The following GPD1L variants were observed in gnomAD, a reference collection of about 807,000 sequenced individuals.
GPD1L encodes glycerol-3-phosphate dehydrogenase 1-like protein.
GPD1L carries 17 observed loss-of-function variants against 32.9 expected under a neutral mutation model. That is an observed-to-expected ratio of 0.52 (90% CI 0.35 to 0.78). The LOEUF is 0.78. Ranked by LOEUF, GPD1L falls within the 30% of genes least tolerant of loss-of-function variation. The pLI, the probability that GPD1L is intolerant of heterozygous loss-of-function variation, is 0.01. For synonymous variants in GPD1L, 187 were observed against 165.9 expected, an observed-to-expected ratio of 1.13 and a Z score of -0.98; for missense variants, 361 against 447.8, an observed-to-expected ratio of 0.81 and a Z score of 1.75.
In GPD1L at chr3:32,128,248, A is replaced by G; in HGVS notation, c.220A>G (p.Asn74Asp). ...TCTTCCTGGACACAAGCTGCCAGAA[A>G]ATGTGGTAAGACTTTGGGGTGAAAT... ...KYLPGHKLPE[N>D]VVAMSNLSEA... The change falls in exon 2 of 8, where the codon AAT becomes GAT. Residue 74 changes from asparagine (N) to aspartate (D), a missense_variant. Coordinates refer to ENST00000282541, the MANE Select transcript of GPD1L (RefSeq NM_015141.4). 1 of 1,613,046 alleles carries G rather than the reference A, an allele frequency of 6.2e-7. No individual in the cohort carries two copies.
At chr3:32,139,666 T>C (rs1330305670) in intron 3 of GPD1L, among the ~76,000 whole-genome samples, 5 of 152,212 alleles carry the variant, frequency 3.3e-5, no homozygotes, top group Admixed American at 3.3e-4. Context: ...GCAACCCAAA[T>C]GTCATCAGCA....
chr3:32,115,636 A>G (rs995855565), intron 1 of GPD1L, among the ~76,000 whole-genome samples: 2 of 152,146 alleles, frequency 1.3e-5, no homozygotes, highest in Non-Finnish European at 2.9e-5. Flanking sequence ...ACTCTAACCT[A>G]ATAGCCCTAA....
intron 7 of GPD1L, among the ~76,000 whole-genome samples, chr3:32,162,685 C>G (rs1293371058): frequency 6.6e-6 from 1 of 152,150 alleles, no homozygotes; most frequent in African/African-American, 2.4e-5. Context: ...GTGTCACATT[C>G]TGAGATACTA....
chr3:32,128,017 G>C, intron 1 of GPD1L, 59 bp from the exon 2 acceptor site: 1 of 1,192,078 alleles, frequency 8.4e-7, no homozygotes. Flanking sequence ...TTAATCAAAC[G>C]CTTTTTCTCT....
intron 1 of GPD1L, among the ~76,000 whole-genome samples, chr3:32,118,919 G>A (rs192265005): frequency 2.0e-5 from 3 of 152,110 alleles, no homozygotes; most frequent in Non-Finnish European, 4.4e-5. Context: ...TGTCTTCAAG[G>A]TTCATCCATG....
chr3:32,155,573 G>A (rs774735971), intron 5 of GPD1L, among the ~76,000 whole-genome samples: 1 of 152,142 alleles, frequency 6.6e-6, no homozygotes, highest in Non-Finnish European at 1.5e-5. Context: ...TCAGGAATCT[G>A]ACCAGTTGGC....
At position 32,138,535 on chromosome 3, in the gene GPD1L, G is replaced by A. The variant is rs915985296; in HGVS notation, c.226-52G>A. 20 of 1,574,810 alleles carry A rather than the reference G, an allele frequency of 1.3e-5. No individual in the cohort carries two copies. In the African/African-American group the frequency reaches 2.6e-4, roughly 20 times the overall value. On this transcript the variant is annotated intron_variant, in intron 2 of 7. Coordinates refer to ENST00000282541, the MANE Select transcript of GPD1L (RefSeq NM_015141.4). ...GTCAGTGAGTGAAACCTTGTGGACAGGCAAGGTTTGATATAAGAGGAGAAA... is the reference window on the plus strand; with the variant it reads ...GTCAGTGAGTGAAACCTTGTGGACAAGCAAGGTTTGATATAAGAGGAGAAA...
chr3:32,142,874 T>G (rs1348111171), intron 4 of GPD1L, among the ~76,000 whole-genome samples: 1 of 152,078 alleles, frequency 6.6e-6, no homozygotes, highest in Non-Finnish European at 1.5e-5. Context: ...TGGGGTGGAG[T>G]GTGATAAGCA....
At chr3:32,129,255 A>G (rs1700554830) in intron 2 of GPD1L, among the ~76,000 whole-genome samples, 1 of 152,128 alleles carries the variant, frequency 6.6e-6, no homozygotes, top group African/African-American at 2.4e-5. Flanking sequence ...TCACTCACCA[A>G]ACCTTATGAG....
intron 1 of GPD1L, among the ~76,000 whole-genome samples, chr3:32,110,613 A>G (rs1325257663): frequency 2.0e-5 from 3 of 152,224 alleles, no homozygotes; most frequent in East Asian, 1.9e-4. Context: ...TGGGCAGGAA[A>G]GTAGACGTGT....
At position 32,121,473 on chromosome 3, in the gene GPD1L, C is replaced by A. The variant is rs148644007; in HGVS notation, c.48-6603C>A. On this transcript the variant is annotated intron_variant, in intron 1 of 7. Coordinates refer to ENST00000282541, the MANE Select transcript of GPD1L (RefSeq NM_015141.4). ...TATTTCTCTCTATATATATTTCTCT[C>A]TATATATATTTCTCTCTATATATAT... Among the ~76,000 whole-genome samples the A allele has an allele frequency of 5.1e-3, 434 of 84,754 alleles. 99 individuals carry two copies. Among genetic ancestry groups the A allele is most frequent in the African/African-American group, 0.033 (394 of 12,022 alleles). The allele number at this position is 84,754 out of a possible 152,430, so 55.6% of individuals were successfully genotyped here.
intron 2 of GPD1L, among the ~76,000 whole-genome samples, chr3:32,135,680 T>A (rs1700651795): frequency 6.6e-6 from 1 of 152,154 alleles, no homozygotes; most frequent in African/African-American, 2.4e-5. Context: ...TTCAAACTCT[T>A]GGCCTCAAGC....
Position 32,166,881 on chromosome 3 carries a change from C to T in GPD1L, c.*971C>T, listed in dbSNP as rs990142115. The T allele has an allele frequency of 2.0e-5, 3 of 152,250 alleles. No individual in the cohort carries two copies. Among genetic ancestry groups the T allele is most frequent in the Non-Finnish European group, 4.4e-5 (3 of 68,158 alleles). The allele number at this position is 152,250 out of a possible 1,614,324, so 9.4% of individuals were successfully genotyped here. ...TGTGCAAATGCCATGTGCAGCCTTT[C>T]CTGAGGCCATAGGAGGGCTTCCTGC... is the stretch of plus-strand genomic sequence containing the variant. On this transcript the variant is annotated 3_prime_UTR_variant, in exon 8 of 8. Coordinates refer to ENST00000282541, the MANE Select transcript of GPD1L (RefSeq NM_015141.4).
chr3:32,106,711 C>T lies in GPD1L; in HGVS notation c.-1C>T. On this transcript the variant is annotated 5_prime_UTR_variant, in exon 1 of 8. Coordinates refer to ENST00000282541, the MANE Select transcript of GPD1L (RefSeq NM_015141.4). The surrounding 1 kb of genome is among the most constrained non-coding windows in gnomAD (Gnocchi z 4.0). ...TCCAGGCGGCTACATTCGGCCCGGC[C>T]ATGGCAGCGGCGCCCCTGAAAGTGT... 1 of 1,562,732 alleles carries T rather than the reference C, an allele frequency of 6.4e-7. No homozygotes were observed. The highest frequency in any genetic ancestry group is 8.7e-7 in the Non-Finnish European group (1 of 1,155,724).
chr3:32,134,650 T>C (rs1049874573), intron 2 of GPD1L, among the ~76,000 whole-genome samples: 9 of 151,704 alleles, frequency 5.9e-5, no homozygotes, highest in Admixed American at 2.0e-4. Context: ...CCACACCTGG[T>C]TAATTTTTTT....
chr3:32,106,628 C>T lies in GPD1L; in HGVS notation c.-84C>T. On this transcript the variant is annotated 5_prime_UTR_variant, in exon 1 of 8. Transcript: ENST00000282541. The surrounding 1 kb of genome is among the most constrained non-coding windows in gnomAD (Gnocchi z 4.0). ...GAGGCGAAAGGGGCGGGGCCGCCGC[C>T]AGCCGCTGCGGGCAAGGCTGAACAG... The T allele has an allele frequency of 1.5e-6, 2 of 1,328,748 alleles. No homozygotes were observed. The highest frequency in any genetic ancestry group is 3.3e-5 in the Admixed American group (1 of 30,154). 82.3% of individuals were successfully genotyped at this position (1,328,748 alleles called of 1,614,324 possible). A position where few individuals can be genotyped will look rare whatever the true frequency, so the allele number is the denominator to read the frequency against.
chr3:32,121,782 T>TATATATATTTCTATATATATATATATA (rs199832480), intron 1 of GPD1L, among the ~76,000 whole-genome samples: 5 of 120,286 alleles, frequency 4.2e-5, no homozygotes, highest in African/African-American at 1.5e-4. Context: ...TATATATATA[T>TATATATATTTCTATATATATATATATA]TTTTTTTAGG....
At chr3:32,121,689 A>G (rs28674787) in intron 1 of GPD1L, among the ~76,000 whole-genome samples, 1 of 138,494 alleles carries the variant, frequency 7.2e-6, no homozygotes, top group Admixed American at 8.0e-5. Context: ...ATATTTCTAT[A>G]TATATATTTA....
chr3:32,134,635 C>T (rs947504212), intron 2 of GPD1L, among the ~76,000 whole-genome samples: 4 of 151,988 alleles, frequency 2.6e-5, no homozygotes, highest in Non-Finnish European at 4.4e-5. Flanking sequence ...CACAGGCACT[C>T]GCCACCACAC....
Sources: gnomAD v4.1 joint callset for allele counts (sites outside exome capture counted in the v4.1 genomes callset) on GRCh38, gnomAD v4.1.1 for gene constraint, Gnocchi (gnomAD v3.1) non-coding constraint, MANE v1.5 for transcripts, NCBI Gene and HGNC (gene_info 2026-07-23, HGNC 2026-07-21) for gene names.